The following CTNNA3 variants were observed in gnomAD, a reference collection of about 807,000 sequenced individuals.
The protein encoded by CTNNA3 is catenin alpha 3.
CTNNA3 carries 76 observed loss-of-function variants against 95.7 expected under a neutral mutation model. The ratio of observed to expected loss-of-function variants is 0.79; its 90% CI spans 0.66 to 0.96. The LOEUF (loss-of-function observed/expected upper bound fraction) is 0.96. CTNNA3 is among the 40% of genes least tolerant of loss of function. The probability of loss-of-function intolerance (pLI) is 0.00; values close to 1 mark genes in which losing one functional copy is unlikely to be tolerated. For synonymous variants in CTNNA3, 431 were observed against 374.4 expected (o/e 1.15, Z -1.74); for missense variants, 1,191 against 1,089.8 (o/e 1.09, Z -1.31).
chr10:66,429,043 T>C (rs570636263), intron 11 of CTNNA3, among the ~76,000 whole-genome samples: 5 of 151,638 alleles, frequency 3.3e-5, no homozygotes, highest in African/African-American at 7.3e-5. Flanking sequence ...AAGAATCAAA[T>C]AGATGCAATA....
chr10:67,300,363 T>C (rs1840217577), intron 5 of CTNNA3, among the ~76,000 whole-genome samples: 1 of 152,212 alleles, frequency 6.6e-6, no homozygotes, highest in Non-Finnish European at 1.5e-5. Flanking sequence ...CATTATGGCA[T>C]AACCTACAGT....
intron 9 of CTNNA3, among the ~76,000 whole-genome samples, chr10:66,652,071 T>C (rs1030892584): frequency 3.7e-5 from 3 of 81,826 alleles, no homozygotes; most frequent in Non-Finnish European, 5.7e-5. Context: ...AGATCCCAAA[T>C]AAACAAATGT....
chr10:67,255,173 T>C (rs1026392219), intron 5 of CTNNA3, among the ~76,000 whole-genome samples: 1 of 152,066 alleles, frequency 6.6e-6, no homozygotes, highest in Non-Finnish European at 1.5e-5. Flanking sequence ...TGTGCACCTG[T>C]AATCCCAGCT....
At chr10:66,548,126 AG>A (rs1315044113) in intron 10 of CTNNA3, among the ~76,000 whole-genome samples, 1 of 152,104 alleles carries the variant, frequency 6.6e-6, no homozygotes, top group Admixed American at 6.5e-5. Flanking sequence ...CATGTTGGTC[AG>A]GCTGGTCTCA....
intron 12 of CTNNA3, among the ~76,000 whole-genome samples, chr10:66,284,715 T>C (rs1170687026): frequency 3.3e-5 from 5 of 151,952 alleles, no homozygotes; most frequent in Non-Finnish European, 7.4e-5. Flanking sequence ...CACCAAATTG[T>C]TTTCTACCAT....
chr10:66,800,122 T>G (rs1467790008), intron 7 of CTNNA3, among the ~76,000 whole-genome samples: 1 of 151,338 alleles, frequency 6.6e-6, no homozygotes, highest in Non-Finnish European at 1.5e-5. Context: ...CAGCACAATT[T>G]GGATACAAAA....
At chr10:67,558,697 G>C (rs148173735) in intron 3 of CTNNA3, among the ~76,000 whole-genome samples, 2 of 152,236 alleles carry the variant, frequency 1.3e-5, no homozygotes, top group African/African-American at 4.8e-5. Flanking sequence ...TGCCTCACTC[G>C]AGAAGCGCAA....
intron 7 of CTNNA3, among the ~76,000 whole-genome samples, chr10:67,164,450 G>A (rs530050539): frequency 6.6e-6 from 1 of 152,128 alleles, no homozygotes; most frequent in South Asian, 2.1e-4. Context: ...AGTTAACTCA[G>A]AATGGATCAT....
intron 7 of CTNNA3, among the ~76,000 whole-genome samples, chr10:67,083,523 A>G (rs1857151419): frequency 4.6e-5 from 7 of 152,136 alleles, no homozygotes. Context: ...TTTTAACTAC[A>G]TTTGAGTTAT....
In CTNNA3 at chr10:66,292,151, C is replaced by A. The variant is rs551733791; in HGVS notation, c.1733-11530G>T. On this transcript the variant is annotated intron_variant, in intron 12 of 17. Transcript: ENST00000433211. ...ATGTGTAAACACATATGTTTCGTAT[C>A]ATCAGTTTCTCCCACCAAATTTACT... Among the ~76,000 whole-genome samples, 215 of 151,776 alleles carry A rather than the reference C, an allele frequency of 1.4e-3. 1 individual carries two copies. Among genetic ancestry groups the A allele is most frequent in the African/African-American group, 5.1e-3 (210 of 41,414 alleles).
At chr10:66,661,896 C>T (rs1176836725) in intron 9 of CTNNA3, among the ~76,000 whole-genome samples, 7 of 152,158 alleles carry the variant, frequency 4.6e-5, no homozygotes, top group South Asian at 4.1e-4. Context: ...GTTAAACAGT[C>T]GAATCAACGT....
intron 11 of CTNNA3, among the ~76,000 whole-genome samples, chr10:66,504,762 T>C (rs1043843963): frequency 1.1e-4 from 16 of 152,198 alleles, no homozygotes; most frequent in African/African-American, 3.9e-4. Flanking sequence ...ATTGTGAGAC[T>C]TCCTTTGACT....
intron 7 of CTNNA3, among the ~76,000 whole-genome samples, chr10:66,876,639 T>A (rs1844632981): frequency 6.6e-6 from 1 of 152,210 alleles, no homozygotes; most frequent in African/African-American, 2.4e-5. Context: ...TGGGCCTTAT[T>A]AGAATTTTTT....
chr10:66,077,374 T>C (rs534343453), intron 14 of CTNNA3, among the ~76,000 whole-genome samples: 1 of 151,944 alleles, frequency 6.6e-6, no homozygotes, highest in Non-Finnish European at 1.5e-5. Context: ...TGAGAGATCT[T>C]ACAGGATATA....
At chr10:66,306,020 TATTA>T (rs1373803842) in intron 12 of CTNNA3, among the ~76,000 whole-genome samples, 2 of 152,330 alleles carry the variant, frequency 1.3e-5, no homozygotes, top group East Asian at 3.9e-4. Flanking sequence ...ATATGTCACT[TATTA>T]ATTATTACTA....
At chr10:66,534,325 A>C (rs1488081409) in intron 10 of CTNNA3, among the ~76,000 whole-genome samples, 2 of 152,142 alleles carry the variant, frequency 1.3e-5, no homozygotes, top group Non-Finnish European at 2.9e-5. Context: ...AAAGCTCTAT[A>C]ATCTATTTAA....
chr10:67,164,219 A>G lies in CTNNA3; in HGVS notation c.1047+16098T>C, dbSNP rs545977551. Among the ~76,000 whole-genome samples, 9 of 152,266 alleles carry G rather than the reference A, an allele frequency of 5.9e-5. No homozygotes were observed. In the South Asian group the frequency reaches 1.9e-3, roughly 31 times the overall value. The stretch of plus-strand genomic sequence containing the variant: ...TCTAAGTGATTTCAAGACTTATTAT[A>G]TAGCTACAGTAGTCAATGCTTTGTG... On this transcript the variant is annotated intron_variant, in intron 7 of 17. Transcript: ENST00000433211.
chr10:66,649,842 G>C (rs1845834273), intron 9 of CTNNA3, among the ~76,000 whole-genome samples: 1 of 152,190 alleles, frequency 6.6e-6, no homozygotes, highest in Admixed American at 6.5e-5. Context: ...CCCAGGACCA[G>C]GCCTGACACA....
intron 11 of CTNNA3, among the ~76,000 whole-genome samples, chr10:66,434,012 TG>T (rs1012078615): frequency 7.2e-5 from 11 of 152,240 alleles, no homozygotes; most frequent in Non-Finnish European, 4.4e-5. Flanking sequence ...ATATCTGTTT[TG>T]GTAACAGTAT....
Sources: allele counts gnomAD v4.1 joint callset (sites outside exome capture counted in the v4.1 genomes callset), GRCh38; gene constraint gnomAD v4.1.1; transcripts MANE v1.5; gene names NCBI Gene and HGNC (gene_info 2026-07-23, HGNC 2026-07-21).